The following GPR39 variants were observed in gnomAD, a reference collection of about 807,000 sequenced individuals.
GPR39 encodes zinc sensing receptor.
In GPR39, 23 loss-of-function variants were observed where a neutral mutation model predicts 18.4. That is an observed-to-expected ratio of 1.25 (90% CI 0.90 to 1.77). The LOEUF (loss-of-function observed/expected upper bound fraction) is 1.77. GPR39 is among the 40% of genes most tolerant of loss of function. GPR39 has a pLI of 0.00. For missense variants in GPR39, 647 were observed against 602.4 expected (o/e 1.07, Z -0.78); for synonymous variants, 280 against 257.9 (o/e 1.09, Z -0.82).
At chr2:132,612,932 G>T (rs1281979299) in intron 1 of GPR39, among the ~76,000 whole-genome samples, 2 of 152,114 alleles carry the variant, frequency 1.3e-5, no homozygotes, top group African/African-American at 4.8e-5. Flanking sequence ...CCTAACCATG[G>T]ACATGGTATA....
intron 1 of GPR39, among the ~76,000 whole-genome samples, chr2:132,441,415 T>G (rs1680437537): frequency 6.6e-6 from 1 of 151,528 alleles, no homozygotes; most frequent in Non-Finnish European, 1.5e-5. Flanking sequence ...TTGTTGCAGA[T>G]AGCAAATGTT....
chr2:132,473,063 T>C (rs965866003), intron 1 of GPR39, among the ~76,000 whole-genome samples: 3 of 152,070 alleles, frequency 2.0e-5, no homozygotes, highest in African/African-American at 7.2e-5. Context: ...TGCTACAGAG[T>C]TCTCTGTTCC....
intron 1 of GPR39, among the ~76,000 whole-genome samples, chr2:132,539,693 A>G (rs1408396976): frequency 6.6e-6 from 1 of 152,134 alleles, no homozygotes; most frequent in Non-Finnish European, 1.5e-5. Flanking sequence ...TCTCTGATCC[A>G]TGGGAACTTA....
At chr2:132,625,649 C>T (rs771254314) in intron 1 of GPR39, among the ~76,000 whole-genome samples, 1 of 152,164 alleles carries the variant, frequency 6.6e-6, no homozygotes, top group Non-Finnish European at 1.5e-5. Flanking sequence ...CTTCCTACAT[C>T]TTTTTGAAGA....
chr2:132,570,664 G>A (rs558183305), intron 1 of GPR39, among the ~76,000 whole-genome samples: 3 of 152,232 alleles, frequency 2.0e-5, no homozygotes, highest in East Asian at 1.9e-4. Flanking sequence ...GTCCAGATCC[G>A]CTGCCCCTCC....
At chr2:132,433,295 A>G (rs143324633) in intron 1 of GPR39, among the ~76,000 whole-genome samples, 1 of 152,328 alleles carries the variant, frequency 6.6e-6, no homozygotes, top group African/African-American at 2.4e-5. Flanking sequence ...TCATAACTGC[A>G]TAAAAATTAG....
intron 1 of GPR39, among the ~76,000 whole-genome samples, chr2:132,460,842 G>A (rs1230401405): frequency 2.0e-5 from 3 of 152,112 alleles, no homozygotes; most frequent in Non-Finnish European, 4.4e-5. Context: ...TAACCCCAGA[G>A]CACAGCCAGC....
In GPR39 at chr2:132,605,357, G is replaced by A. The variant is rs76665591; in HGVS notation, c.857-39744G>A. Among the ~76,000 whole-genome samples the A allele has an allele frequency of 6.7e-3, 1,024 of 152,306 alleles. 19 individuals carry two copies. The highest frequency in any genetic ancestry group is 0.023 in the African/African-American group (959 of 41,570). On this transcript the variant is annotated intron_variant, in intron 1 of 1. Transcript: ENST00000329321. ...ATGGAGGAAAGCCATGATCAAAGCCGTATGTGTGGGAACGAGGATGTGGAG... is the reference window on the plus strand; with the variant it reads ...ATGGAGGAAAGCCATGATCAAAGCCATATGTGTGGGAACGAGGATGTGGAG...
chr2:132,611,642 A>AG (rs397823248), intron 1 of GPR39, among the ~76,000 whole-genome samples: 1 of 151,846 alleles, frequency 6.6e-6, no homozygotes, highest in African/African-American at 2.4e-5. Flanking sequence ...AAAAAAAAAA[A>AG]GTGGAGCTTC....
chr2:132,585,962 T>G (rs1436933295), intron 1 of GPR39, among the ~76,000 whole-genome samples: 2 of 143,392 alleles, frequency 1.4e-5, no homozygotes, highest in South Asian at 2.4e-4. Context: ...TTTTTTTTTT[T>G]TTTTTTTTTT....
At chr2:132,497,561 A>G (rs562895359) in intron 1 of GPR39, among the ~76,000 whole-genome samples, 3 of 152,328 alleles carry the variant, frequency 2.0e-5, no homozygotes, top group Non-Finnish European at 4.4e-5. Flanking sequence ...TGCAAACAGT[A>G]AAAAGGTGAA....
chr2:132,627,540 A>C (rs1260174992), intron 1 of GPR39, among the ~76,000 whole-genome samples: 1 of 152,174 alleles, frequency 6.6e-6, no homozygotes, highest in East Asian at 1.9e-4. Flanking sequence ...CTTTCATGGA[A>C]GATATTAGTT....
chr2:132,501,633 C>T (rs1679037928), intron 1 of GPR39, among the ~76,000 whole-genome samples: 1 of 151,980 alleles, frequency 6.6e-6, no homozygotes, highest in Admixed American at 6.6e-5. Context: ...TTGTTTAAGT[C>T]CATTGTTTCT....
intron 1 of GPR39, among the ~76,000 whole-genome samples, chr2:132,446,868 T>A (rs565198858): frequency 6.6e-6 from 1 of 152,094 alleles, no homozygotes; most frequent in Non-Finnish European, 1.5e-5. Context: ...GATCTTTTTC[T>A]AGTATGCAGA....
chr2:132,598,782 G>A (rs943454818), intron 1 of GPR39, among the ~76,000 whole-genome samples: 1 of 152,196 alleles, frequency 6.6e-6, no homozygotes, highest in East Asian at 1.9e-4. Context: ...AGTCAATCTC[G>A]GAGATCCCTC....
chr2:132,516,332 T>C (rs1238783529), intron 1 of GPR39, among the ~76,000 whole-genome samples: 3 of 152,070 alleles, frequency 2.0e-5, no homozygotes, highest in Non-Finnish European at 4.4e-5. Context: ...TGCTCAGACA[T>C]TGGGAGCAGC....
At chr2:132,461,275 TCTCTA>T (rs1416291790) in intron 1 of GPR39, among the ~76,000 whole-genome samples, 1 of 152,170 alleles carries the variant, frequency 6.6e-6, no homozygotes, top group Non-Finnish European at 1.5e-5. Context: ...CTCACAACTC[TCTCTA>T]CTCTATCACA....
intron 1 of GPR39, chr2:132,604,891 G>C (rs759514730): frequency 6.6e-6 from 1 of 152,270 alleles, no homozygotes; most frequent in Non-Finnish European, 1.5e-5. Flanking sequence ...GAGGATACGT[G>C]GATGGCTGGA....
chr2:132,480,174 A>G (rs944324988), intron 1 of GPR39, among the ~76,000 whole-genome samples: 1 of 152,236 alleles, frequency 6.6e-6, no homozygotes, highest in Non-Finnish European at 1.5e-5. Context: ...GATAAATACT[A>G]TATGATTTGA....
Sources: allele counts gnomAD v4.1 joint callset (sites outside exome capture counted in the v4.1 genomes callset), GRCh38; gene constraint gnomAD v4.1.1; transcripts MANE v1.5; gene names NCBI Gene and HGNC (gene_info 2026-07-23, HGNC 2026-07-21).